Variants in ERBB4 observed in about 807,000 individuals in gnomAD.
ERBB4 encodes the protein receptor tyrosine-protein kinase erbB-4.
ERBB4 carries 42 observed loss-of-function variants against 158.0 expected under a neutral mutation model. The observed-to-expected ratio is 0.27, with a 90% CI of 0.21 to 0.34. The LOEUF is 0.34. Ranked by LOEUF, ERBB4 falls within the 10% of genes least tolerant of loss-of-function variation. The probability of loss-of-function intolerance (pLI) is 1.00; values close to 1 mark genes in which losing one functional copy is unlikely to be tolerated. For missense variants in ERBB4, 1,333 were observed against 1,624.1 expected, an observed-to-expected ratio of 0.82 and a Z score of 3.08; for synonymous variants, 583 against 558.7, an observed-to-expected ratio of 1.04 and a Z score of -0.61.
At chr2:212,427,577 T>C (rs117891436) in intron 1 of ERBB4, among the ~76,000 whole-genome samples, 1 of 152,260 alleles carries the variant, frequency 6.6e-6, no homozygotes, top group East Asian at 1.9e-4. Context: ...ACAATAAAAA[T>C]TCACTATTAT....
chr2:212,338,976 T>G (rs1402724137), intron 1 of ERBB4, among the ~76,000 whole-genome samples: 1 of 152,162 alleles, frequency 6.6e-6, no homozygotes, highest in African/African-American at 2.4e-5. Context: ...AATATCACTT[T>G]CAAAAAATGT....
chr2:212,091,531 T>C (rs1436750489), intron 2 of ERBB4, among the ~76,000 whole-genome samples: 1 of 152,130 alleles, frequency 6.6e-6, no homozygotes, highest in Non-Finnish European at 1.5e-5. Flanking sequence ...CTGCCAATGG[T>C]TGCTGTATCA....
At chr2:211,628,246 C>T (rs2069941146) in intron 17 of ERBB4, among the ~76,000 whole-genome samples, 2 of 151,664 alleles carry the variant, frequency 1.3e-5, no homozygotes, top group South Asian at 4.2e-4. Flanking sequence ...TATACATGTG[C>T]CATGTTGGTG....
At chr2:212,110,102 A>C (rs1575646334) in intron 2 of ERBB4, among the ~76,000 whole-genome samples, 1 of 152,154 alleles carries the variant, frequency 6.6e-6, no homozygotes. Flanking sequence ...AAAAAGACCA[A>C]TTGTGCATAA....
At chr2:211,866,232 C>G (rs896998521) in intron 3 of ERBB4, among the ~76,000 whole-genome samples, 5 of 152,164 alleles carry the variant, frequency 3.3e-5, no homozygotes, top group African/African-American at 9.7e-5. Flanking sequence ...GCCTGGGCAA[C>G]AGAGCGAGGC....
chr2:212,056,982 G>A (rs2077597173), intron 2 of ERBB4, among the ~76,000 whole-genome samples: 1 of 152,110 alleles, frequency 6.6e-6, no homozygotes, highest in Non-Finnish European at 1.5e-5. Context: ...ACACAGACTG[G>A]CAAATTGGAT....
chr2:211,953,993 A>T (rs1233540835), intron 2 of ERBB4, among the ~76,000 whole-genome samples: 1 of 152,138 alleles, frequency 6.6e-6, no homozygotes, highest in Non-Finnish European at 1.5e-5. Context: ...ATTAGATGGG[A>T]CGGTATTGGC....
intron 1 of ERBB4, among the ~76,000 whole-genome samples, chr2:212,211,616 C>CT (rs1559755384): frequency 4.8e-4 from 27 of 56,060 alleles, no homozygotes; most frequent in Non-Finnish European, 9.1e-4. Context: ...AAAAATTTAT[C>CT]TAAAAAAAAA....
intron 2 of ERBB4, among the ~76,000 whole-genome samples, chr2:212,007,210 G>A (rs1411670402): frequency 1.3e-5 from 2 of 151,804 alleles, no homozygotes; most frequent in East Asian, 3.8e-4. Flanking sequence ...TGATAAATCT[G>A]TTTGATTACA....
chr2:211,996,972 G>A (rs903010132), intron 2 of ERBB4, among the ~76,000 whole-genome samples: 6 of 152,178 alleles, frequency 3.9e-5, no homozygotes, highest in Non-Finnish European at 7.4e-5. Flanking sequence ...AAACCATCAC[G>A]ATGAGGACTA....
chr2:211,690,554 C>T (rs776416983), intron 12 of ERBB4, among the ~76,000 whole-genome samples: 10 of 152,062 alleles, frequency 6.6e-5, no homozygotes, highest in African/African-American at 9.7e-5. Flanking sequence ...AACAGGAAAC[C>T]GTCATAACTA....
chr2:212,124,951 TA>T (rs755289476), intron 1 of ERBB4, 48 bp from the exon 2 acceptor site: 14 of 1,592,712 alleles, frequency 8.8e-6, no homozygotes, highest in Admixed American at 3.3e-5. Flanking sequence ...CTTTATATGA[TA>T]TGCGCAATGA....
intron 1 of ERBB4, among the ~76,000 whole-genome samples, chr2:212,159,467 AT>A (rs1290757873): frequency 4.6e-5 from 7 of 151,986 alleles, no homozygotes; most frequent in Non-Finnish European, 8.8e-5. Flanking sequence ...AGATTTACAT[AT>A]GTATTACTTA....
chr2:212,293,943 T>G (rs1574619412), intron 1 of ERBB4, among the ~76,000 whole-genome samples: 1 of 150,726 alleles, frequency 6.6e-6, no homozygotes, highest in African/African-American at 2.4e-5. Context: ...ATATGAACTC[T>G]CTCCAGAGAG....
At chr2:212,085,954 T>A (rs375873080) in intron 2 of ERBB4, among the ~76,000 whole-genome samples, 1 of 152,042 alleles carries the variant, frequency 6.6e-6, no homozygotes, top group East Asian at 1.9e-4. Context: ...TAAGAGGATA[T>A]AAAGGCATTC....
chr2:211,455,786 A>T (rs11885425), intron 20 of ERBB4, among the ~76,000 whole-genome samples: 1 of 152,100 alleles, frequency 6.6e-6, no homozygotes, highest in Non-Finnish European at 1.5e-5. Context: ...TGCCAGTTTC[A>T]AGAGAGAGCT....
intron 27 of ERBB4, among the ~76,000 whole-genome samples, chr2:211,384,288 G>C (rs1176581857): frequency 6.6e-6 from 1 of 152,116 alleles, no homozygotes; most frequent in Non-Finnish European, 1.5e-5. Flanking sequence ...GCCAGAATCA[G>C]AATTTCTATC....
chr2:211,965,307 T>C (rs1188887690), intron 2 of ERBB4, among the ~76,000 whole-genome samples: 3 of 152,176 alleles, frequency 2.0e-5, no homozygotes, highest in African/African-American at 7.2e-5. Context: ...TAAATATTCA[T>C]TTGATAAATG....
intron 3 of ERBB4, among the ~76,000 whole-genome samples, chr2:211,826,304 G>A: frequency 6.6e-6 from 1 of 151,454 alleles, no homozygotes; most frequent in East Asian, 1.9e-4. Flanking sequence ...ACTGTGTTAT[G>A]GATTACGGAT....
Sources: allele counts gnomAD v4.1 joint callset (sites outside exome capture counted in the v4.1 genomes callset), GRCh38; gene constraint gnomAD v4.1.1; transcripts MANE v1.5; gene names NCBI Gene and HGNC (gene_info 2026-07-23, HGNC 2026-07-21).